Variants in DNAH14 observed in about 807,000 individuals in gnomAD.
DNAH14 encodes the protein dynein axonemal heavy chain 14, also known as axonemal beta dynein heavy chain 14.
DNAH14 carries 478 observed loss-of-function variants against 520.9 expected under a neutral mutation model. That is an observed-to-expected ratio of 0.92 (90% confidence interval 0.85 to 0.99). The LOEUF (loss-of-function observed/expected upper bound fraction) is 0.99. DNAH14 is among the 50% of genes least tolerant of loss of function. The pLI is 0.00. For missense variants in DNAH14, 4,831 were observed against 5,234.5 expected, an observed-to-expected ratio of 0.92 and a Z score of 2.38; for synonymous variants, 1,581 against 1,757.2, an observed-to-expected ratio of 0.90 and a Z score of 2.51.
intron 22 of DNAH14, 151 bp from the exon 23 acceptor site, chr1:225,100,562 C>A: frequency 1.6e-6 from 1 of 624,332 alleles, no homozygotes; most frequent in Non-Finnish European, 2.6e-6. Context: ...ACATAATAGG[C>A]ACTTAAAAAG....
At chr1:225,145,517 T>C (rs2079852008) in intron 30 of DNAH14, 138 bp downstream of exon 30, 5 of 651,190 alleles carry the variant, frequency 7.7e-6, no homozygotes, top group Non-Finnish European at 1.2e-5. Flanking sequence ...ATGCTGTTAC[T>C]TCTTTTAAAC....
In DNAH14 at chr1:225,050,270, T is replaced by C. The variant is rs1245053644; in HGVS notation, c.1973T>C (p.Ile658Thr). ...TCTATCTTCATTGATTTGGTTTCAA[T>C]AATGGATTTACCTAATAAGACAGGA... The part of the protein sequence containing the change: ...QLSIFIDLVS[I>T]MDLPNKTGSI... Residue 658 changes from isoleucine (I) to threonine (T), a missense_variant, in exon 16 of 86, where the codon ATA (isoleucine) becomes ACA (threonine). Transcript: ENST00000682510. 2 of 1,550,196 alleles carry C rather than the reference T, an allele frequency of 1.3e-6. No homozygotes were observed. The highest frequency in any genetic ancestry group is 2.7e-5 in the African/African-American group (2 of 72,998).
intron 77 of DNAH14, among the ~76,000 whole-genome samples, chr1:225,374,224 AATATATATAATATATATATTTGTCTATAT>A (rs1244549408): frequency 8.2e-5 from 3 of 36,546 alleles, no homozygotes; most frequent in Admixed American, 4.1e-4. Context: ...AGACAAATGA[AATATATATAATATATATATTTGTCTATAT>A]ATATATATAT....
chr1:225,204,867 AC>A (rs1280035176), intron 39 of DNAH14, among the ~76,000 whole-genome samples: 8 of 152,274 alleles, frequency 5.3e-5, no homozygotes, highest in Admixed American at 1.3e-4. Flanking sequence ...TTCTGCTTCT[AC>A]TTTACTGAAT....
rs2094843914 is a variant in DNAH14, at chr1:225,333,395, A to C, written c.9969A>C (p.Thr3323=). 4 of 1,551,686 alleles carry C rather than the reference A, an allele frequency of 2.6e-6. No individual in the cohort carries two copies. The highest frequency in any genetic ancestry group is 3.5e-6 in the Non-Finnish European group (4 of 1,146,936). Residue 3323 remains threonine (T), a synonymous_variant, in exon 66 of 86, where the codon ACA becomes ACC. Coordinates refer to ENST00000682510, the MANE Select transcript of DNAH14 (RefSeq NM_001367479.1). ...AACIVYSGIL[T]PEFRQLIVNK... is the part of the protein sequence containing the mutation. ...GCATTGTCTACAGTGGAATTTTAAC[A>C]CCAGAATTTCGCCAGTTGATTGTGA...
chr1:225,300,002 T>A (rs1255847459), intron 55 of DNAH14, among the ~76,000 whole-genome samples: 1 of 152,190 alleles, frequency 6.6e-6, no homozygotes, highest in Non-Finnish European at 1.5e-5. Context: ...ATGCTTTTTT[T>A]AAAAAGAAAT....
At position 225,043,731 on chromosome 1, in the gene DNAH14, T is replaced by C; in HGVS notation, c.1769-13T>C. 6.9e-7 allele frequency: 1 copy of C among 1,445,410 alleles called. No individual in the cohort carries two copies. Among genetic ancestry groups the C allele is most frequent in the African/African-American group, 1.4e-5 (1 of 70,380 alleles). 89.5% of individuals were successfully genotyped at this position (1,445,410 alleles called of 1,614,324 possible). A position where few individuals can be genotyped will look rare whatever the true frequency, so the allele number is the denominator to read the frequency against. ...ATTTTGTATTTTCTCTTTCTTTCAATGGATTCTAATAGACACAGAAATTGA... is the reference window on the plus strand; with the variant it reads ...ATTTTGTATTTTCTCTTTCTTTCAACGGATTCTAATAGACACAGAAATTGA... On this transcript the variant is annotated splice_polypyrimidine_tract_variant and intron_variant, in intron 13 of 85. Coordinates refer to ENST00000682510, the MANE Select transcript of DNAH14 (RefSeq NM_001367479.1).
chr1:225,270,796 G>A lies in DNAH14; in HGVS notation c.7601G>A (p.Arg2534His), dbSNP rs547879752. The change falls in exon 50 of 86, where the codon CGT (arginine) becomes CAT (histidine). Residue 2534 changes from arginine to histidine, a missense_variant. Coordinates refer to ENST00000682510, the MANE Select transcript of DNAH14 (RefSeq NM_001367479.1). ...CVPVVNDISP[R>H]LLKHFSMLVL... ...CCAGTTGTGAATGATATCAGCCCAC[G>A]TCTTCTCAAACACTTTTCCATGCTG... The A allele has an allele frequency of 3.7e-5, 57 of 1,551,026 alleles. No homozygotes were observed. The Admixed American group carries it at 6.3e-4, about 17-fold the overall frequency.
At chr1:225,106,687 G>A (rs1042261080) in intron 23 of DNAH14, among the ~76,000 whole-genome samples, 1 of 152,128 alleles carries the variant, frequency 6.6e-6, no homozygotes, top group Non-Finnish European at 1.5e-5. Flanking sequence ...ACTGAGGCTT[G>A]TGCATTCGTC....
In DNAH14 at chr1:225,324,815, C is replaced by T. The variant is rs2094622494; in HGVS notation, c.9706C>T (p.Gln3236Ter). ...KIARQRLAEK[Q>*]RGLQLVEEHL... ...TGCGCGACAAAGACTTGCTGAGAAA[C>T]AAAGAGGTTTACAGCTGGTAAGAAA... The change falls in exon 64 of 86, where the codon CAA becomes TAA. Residue 3236 changes from glutamine to a stop codon, truncating the protein, a stop_gained. Transcript: ENST00000682510. LOFTEE classifies it high-confidence loss of function. The T allele has an allele frequency of 1.3e-6, 2 of 1,551,230 alleles. No homozygotes were observed. The highest frequency in any genetic ancestry group is 1.7e-6 in the Non-Finnish European group (2 of 1,146,824).
rs558890625 is a variant in DNAH14 at position 225,006,264 on chromosome 1, G to C, written c.976-1149G>C. Among the ~76,000 whole-genome samples, 5 of 152,236 alleles carry C rather than the reference G, an allele frequency of 3.3e-5. No homozygotes were observed. The South Asian group carries it at 8.3e-4, about 25-fold the overall frequency. The stretch of plus-strand genomic sequence containing the variant: ...GGACCCTGTTATGATTGCGTTATCT[G>C]TACAAATTGTTTGTAAAACATGTGT... On this transcript the variant is annotated intron_variant, in intron 9 of 85. Coordinates refer to ENST00000682510, the MANE Select transcript of DNAH14 (RefSeq NM_001367479.1).
intron 11 of DNAH14, among the ~76,000 whole-genome samples, chr1:225,032,404 C>T (rs1377430360): frequency 6.6e-6 from 1 of 152,084 alleles, no homozygotes; most frequent in African/African-American, 2.4e-5. Context: ...CTGTAAAACA[C>T]GTGATCTCAT....
chr1:225,392,163 C>G, intron 83 of DNAH14, 128 bp from the exon 84 acceptor site: 1 of 1,188,180 alleles, frequency 8.4e-7, no homozygotes, highest in Non-Finnish European at 1.2e-6. Context: ...CCCGCCCAGC[C>G]CATCTCTTTT....
rs775049047 is a variant in DNAH14 at position 225,089,464 on chromosome 1, A to AAAAAAAAG, written c.3573+3676_3573+3677insAAAAAAGA. 1.7e-3 allele frequency among the ~76,000 whole-genome samples: 241 copies of AAAAAAAAG among 138,308 alleles called. 1 individual carries two copies. Among genetic ancestry groups the AAAAAAAAG allele is most frequent in the South Asian group, 4.8e-3 (20 of 4,208 alleles). 90.7% of individuals were successfully genotyped at this position (138,308 alleles called of 152,430 possible). ...CGTCAAAAAAAAAAAAAAAAAAAAAAAGAGAGCGAGAGAAAGAAAAGAAAA... is the reference window on the plus strand; with the variant it reads ...CGTCAAAAAAAAAAAAAAAAAAAAAAAAAAAAAGAGAGAGCGAGAGAAAGAAAAGAAAA... On this transcript the variant is annotated intron_variant, in intron 21 of 85. Transcript: ENST00000682510.
intron 52 of DNAH14, 66 bp from the exon 53 acceptor site, chr1:225,275,848 G>A (rs998908670): frequency 4.2e-6 from 1 of 236,162 alleles, no homozygotes; most frequent in Non-Finnish European, 9.3e-6. Flanking sequence ...GATATATGCT[G>A]TGAGTTTTGA....
chr1:225,121,512 T>G (rs192478105), intron 26 of DNAH14, among the ~76,000 whole-genome samples: 2 of 152,320 alleles, frequency 1.3e-5, no homozygotes, highest in African/African-American at 2.4e-5. Flanking sequence ...TATTCATCTT[T>G]CTTGGCCTGG....
intron 21 of DNAH14, among the ~76,000 whole-genome samples, chr1:225,088,121 C>T (rs532942974): frequency 1.1e-4 from 16 of 152,114 alleles, no homozygotes; most frequent in South Asian, 4.1e-4. Flanking sequence ...ATATCCAGTA[C>T]ACAATAAGGT....
At chr1:225,009,673 T>C (rs1234794297) in intron 10 of DNAH14, among the ~76,000 whole-genome samples, 8 of 152,228 alleles carry the variant, frequency 5.3e-5, no homozygotes. Flanking sequence ...GGAATAGCAT[T>C]GAATCTATAA....
At chr1:225,320,820 C>T (rs967238531) in intron 61 of DNAH14, among the ~76,000 whole-genome samples, 4 of 152,170 alleles carry the variant, frequency 2.6e-5, no homozygotes, top group African/African-American at 9.7e-5. Context: ...CCAGTAGACA[C>T]GTGTCACTTT....
Sources: gnomAD v4.1 joint callset for allele counts (sites outside exome capture counted in the v4.1 genomes callset) on GRCh38, gnomAD v4.1.1 for gene constraint, MANE v1.5 for transcripts, NCBI Gene and HGNC (gene_info 2026-07-23, HGNC 2026-07-21) for gene names.